The following CIT variants were observed in gnomAD, a reference collection of about 807,000 sequenced individuals.
CIT encodes citron rho-interacting serine/threonine kinase.
A neutral mutation model predicts 272.7 loss-of-function variants in CIT; 79 were observed. The ratio of observed to expected loss-of-function variants is 0.29; its 90% confidence interval spans 0.24 to 0.35. CIT has a LOEUF of 0.35. Among genes scored for constraint, CIT ranks in the 10% least tolerant of loss-of-function variants. CIT has a pLI of 1.00. For missense variants in CIT, 1,909 were observed against 2,618.3 expected, an observed-to-expected ratio of 0.73 and a Z score of 5.91; for synonymous variants, 948 against 995.6, an observed-to-expected ratio of 0.95 and a Z score of 0.90.
intron 3 of CIT, among the ~76,000 whole-genome samples, chr12:119,858,973 G>C (rs1283141320): frequency 1.3e-5 from 2 of 152,140 alleles, no homozygotes; most frequent in Non-Finnish European, 2.9e-5. Context: ...ATTTTTCCAA[G>C]TCTAATCTTT....
chr12:119,849,896 C>T (rs531613017), intron 5 of CIT, among the ~76,000 whole-genome samples: 20 of 152,242 alleles, frequency 1.3e-4, no homozygotes, highest in Non-Finnish European at 2.5e-4. Context: ...CTGTGTTAGC[C>T]AGGATGGTCT....
rs1955683570 is a variant in CIT at position 119,688,192 on chromosome 12, C to G, written c.*40G>C. The G allele has an allele frequency of 6.2e-7, 1 of 1,602,882 alleles. No homozygotes were observed. The highest frequency in any genetic ancestry group is 8.5e-7 in the Non-Finnish European group (1 of 1,169,884). ...GTTCCATAGTGTGTTTGGTGTTTTC[C>G]TGCAGATCAAGATGAGGAGTTGGTT... On this transcript the variant is annotated 3_prime_UTR_variant, in exon 48 of 48. Transcript: ENST00000392521.
At chr12:119,692,174 C>T (rs1474162558) in intron 46 of CIT, among the ~76,000 whole-genome samples, 1 of 152,134 alleles carries the variant, frequency 6.6e-6, no homozygotes, top group Non-Finnish European at 1.5e-5. Context: ...AAAAGCCGGG[C>T]ACAGTGATGC....
At chr12:119,722,328 C>T (rs1280664239) in intron 28 of CIT, among the ~76,000 whole-genome samples, 1 of 152,110 alleles carries the variant, frequency 6.6e-6, no homozygotes, top group Non-Finnish European at 1.5e-5. Context: ...TAGCCTGGGT[C>T]CTCTGCAGAC....
At chr12:119,809,271 T>C (rs1441583640) in intron 9 of CIT, among the ~76,000 whole-genome samples, 1 of 152,006 alleles carries the variant, frequency 6.6e-6, no homozygotes, top group African/African-American at 2.4e-5. Flanking sequence ...ATCATCTCAA[T>C]AGTGATGGGT....
At chr12:119,758,466 G>A (rs1961319558) in intron 21 of CIT, 125 bp downstream of exon 21, 1 of 689,988 alleles carries the variant, frequency 1.4e-6, no homozygotes, top group South Asian at 1.6e-5. Context: ...GTATCTGAGG[G>A]CTGGGCTGAG....
intron 9 of CIT, 125 bp from the exon 10 acceptor site, chr12:119,803,514 A>G: frequency 3.1e-6 from 2 of 636,676 alleles, no homozygotes; most frequent in East Asian, 3.1e-5. Flanking sequence ...GCCTGCTTTC[A>G]ATCTAGCTCG....
At chr12:119,777,612 G>A (rs1236998261) in intron 13 of CIT, among the ~76,000 whole-genome samples, 1 of 151,446 alleles carries the variant, frequency 6.6e-6, no homozygotes, top group Admixed American at 6.6e-5. Context: ...GGAGGTTGCA[G>A]TGAGCCGAGA....
Position 119,713,333 on chromosome 12 carries a change from C to G in CIT, c.4488-39G>C. 1 of 1,600,694 alleles carries G rather than the reference C, an allele frequency of 6.2e-7. No homozygotes were observed. The highest frequency in any genetic ancestry group is 8.6e-7 in the Non-Finnish European group (1 of 1,168,950). ...GATGGAAAAGAAAAATGTCTGAACT[C>G]AGAAGAAACATCCGGCTGGAGGATA... On this transcript the variant is annotated intron_variant, in intron 34 of 47. Transcript: ENST00000392521. This position sits in a 1 kb window ranked among gnomAD's most constrained non-coding sequence, Gnocchi z 5.2.
intron 47 of CIT, among the ~76,000 whole-genome samples, chr12:119,689,789 C>T (rs1462934603): frequency 1.3e-5 from 2 of 151,066 alleles, no homozygotes; most frequent in Non-Finnish European, 3.0e-5. Flanking sequence ...GCCATTCTCC[C>T]GCCTCAGCCT....
In CIT at chr12:119,783,738, C is replaced by T. The variant is rs57991641; in HGVS notation, c.1545+170G>A. The T allele has an allele frequency of 6.9e-3, 5,041 of 728,384 alleles. 176 individuals carry two copies. In the African/African-American group the frequency reaches 0.082, roughly 12 times the overall value. The allele number at this position is 728,384 out of a possible 1,614,324, so 45.1% of individuals were successfully genotyped here. On this transcript the variant is annotated intron_variant, in intron 12 of 47. Transcript: ENST00000392521. ...CCAATCTCATTTCTTGGGGACCTTA[C>T]GCCTGGCTCTCACTACTCTGCAAAA...
chr12:119,825,412 T>A lies in CIT; in HGVS notation c.754-44A>T, dbSNP rs1968081974. 2.6e-6 allele frequency: 4 copies of A among 1,566,954 alleles called. No homozygotes were observed. In the East Asian group the frequency reaches 9.0e-5, roughly 35 times the overall value. On this transcript the variant is annotated intron_variant, in intron 7 of 47. Transcript: ENST00000392521. ...AACGAATACAGCAAACTTTCAATTA[T>A]CCTCAAGTAGACTGCCAACAGCCAC...
At chr12:119,823,009 T>G (rs992563641) in intron 8 of CIT, 36 bp from the exon 9 acceptor site, 30 of 1,566,018 alleles carry the variant, frequency 1.9e-5, no homozygotes, top group Non-Finnish European at 2.6e-5. Flanking sequence ...ATTTCCTTAG[T>G]AGGGATTCCG....
At position 119,757,376 on chromosome 12, in the gene CIT, G is replaced by A; in HGVS notation, c.2701C>T (p.Arg901Trp). The A allele has an allele frequency of 6.2e-7, 1 of 1,613,760 alleles. No homozygotes were observed. Residue 901 changes from arginine to tryptophan, a missense_variant, in exon 22 of 48, where the codon CGG becomes TGG. Around this residue, in one of 8 missense-constraint regions of CIT, gnomAD observed 530 missense variants for 822.4 expected, o/e 0.64. Transcript: ENST00000392521. ...NRLLELETRL[R>W]EVSLEHEEQK... The stretch of plus-strand genomic sequence containing the variant: ...AGATGACTCCTCGCTCTCACCTCCC[G>A]CAATCTTGTCTCCAGTTCCAGCAGC...
intron 14 of CIT, 69 bp from the exon 15 acceptor site, chr12:119,776,477 T>A: frequency 7.4e-7 from 1 of 1,351,800 alleles, no homozygotes; most frequent in Non-Finnish European, 1.1e-6. Context: ...GACTACTTTC[T>A]TGGTCTCTGT....
In CIT at chr12:119,776,351, A is replaced by C; in HGVS notation, c.1887+7T>G. On this transcript the variant is annotated splice_region_variant and intron_variant, in intron 15 of 47. Transcript: ENST00000392521. ...ATTAATAGCAAAACCAATCATGGAA[A>C]GTATACCTTCTCCAGTTTCGCATAT... 1 of 1,611,514 alleles carries C rather than the reference A, an allele frequency of 6.2e-7. No homozygotes were observed. The highest frequency in any genetic ancestry group is 2.2e-5 in the East Asian group (1 of 44,844).
intron 10 of CIT, among the ~76,000 whole-genome samples, chr12:119,799,438 A>C (rs1966002520): frequency 6.6e-6 from 1 of 152,124 alleles, no homozygotes; most frequent in Non-Finnish European, 1.5e-5. Flanking sequence ...AGGCACCAAA[A>C]ACTGGTTCCC....
At chr12:119,797,811 T>A (rs1161711248) in intron 10 of CIT, among the ~76,000 whole-genome samples, 2 of 152,212 alleles carry the variant, frequency 1.3e-5, no homozygotes, top group African/African-American at 4.8e-5. Context: ...TGTCTTCCAC[T>A]GGTATCAGCC....
chr12:119,712,735 A>G lies in CIT; in HGVS notation c.4580-40T>C, dbSNP rs1266895302. The G allele has an allele frequency of 6.5e-7, 1 of 1,527,196 alleles. No homozygotes were observed. The highest frequency in any genetic ancestry group is 1.1e-5 in the South Asian group (1 of 89,208). 94.6% of individuals were successfully genotyped at this position (1,527,196 alleles called of 1,614,324 possible). On this transcript the variant is annotated intron_variant, in intron 35 of 47. Coordinates refer to ENST00000392521, the MANE Select transcript of CIT (RefSeq NM_001206999.2). The surrounding 1 kb of genome is among the most constrained non-coding windows in gnomAD (Gnocchi z 5.2). ...GAAGGGCAGAAAGAAAAACAAAAGA[A>G]CAGGAACAAGAACAAGGGGAGAAGA...
Sources: gnomAD v4.1 joint callset for allele counts (sites outside exome capture counted in the v4.1 genomes callset) on GRCh38, gnomAD v4.1.1 for gene constraint, gnomAD v4.1.1 regional missense constraint, Gnocchi (gnomAD v3.1) non-coding constraint, MANE v1.5 for transcripts, NCBI Gene and HGNC (gene_info 2026-07-23, HGNC 2026-07-21) for gene names.